ATP9B: variants seen among roughly 807,000 people sequenced by gnomAD.
The protein encoded by ATP9B is ATPase phospholipid transporting 9B, also known as probable phospholipid-transporting ATPase IIB.
Under a neutral mutation model 146.1 loss-of-function variants are expected in ATP9B, and 110 were observed. The ratio of observed to expected loss-of-function variants is 0.75; its 90% CI spans 0.65 to 0.88. The LOEUF (loss-of-function observed/expected upper bound fraction) is 0.88, where lower values mean the gene tolerates loss of function less well. Ranked by LOEUF, ATP9B falls within the 40% of genes least tolerant of loss-of-function variation. The pLI is 0.00. For synonymous variants in ATP9B, 604 were observed against 569.7 expected, an observed-to-expected ratio of 1.06 and a Z score of -0.86; for missense variants, 1,499 against 1,496.4, an observed-to-expected ratio of 1.00 and a Z score of -0.03.
intron 1 of ATP9B, among the ~76,000 whole-genome samples, chr18:79,078,962 T>C (rs1568371036): frequency 6.6e-6 from 1 of 152,348 alleles, no homozygotes; most frequent in East Asian, 1.9e-4. Context: ...GTTTCCAGCT[T>C]CGTCCATGTC....
intron 12 of ATP9B, among the ~76,000 whole-genome samples, chr18:79,256,256 G>GCCATATATATATATATATAT (rs2096076019): frequency 2.4e-5 from 1 of 41,822 alleles, no homozygotes; most frequent in African/African-American, 1.3e-4. Context: ...ATTCTAGCTA[G>GCCATATATATATATATATAT]CTATATATAT....
intron 7 of ATP9B, among the ~76,000 whole-genome samples, chr18:79,171,485 C>T (rs1038264943): frequency 6.6e-6 from 1 of 152,098 alleles, no homozygotes; most frequent in East Asian, 1.9e-4. Flanking sequence ...TTTAAAAATA[C>T]ATTTTATATT....
At chr18:79,374,872 C>T (rs1174301286) in intron 28 of ATP9B, among the ~76,000 whole-genome samples, 2 of 152,224 alleles carry the variant, frequency 1.3e-5, no homozygotes, top group Admixed American at 6.5e-5. Context: ...GACACGTGAA[C>T]ACACTCAGTG....
intron 9 of ATP9B, among the ~76,000 whole-genome samples, chr18:79,197,073 C>G (rs528509109): frequency 6.6e-6 from 1 of 152,142 alleles, no homozygotes; most frequent in African/African-American, 2.4e-5. Flanking sequence ...GTTGAACATA[C>G]ATTTGCTTGT....
intron 12 of ATP9B, among the ~76,000 whole-genome samples, chr18:79,262,856 T>A (rs1028482856): frequency 6.6e-6 from 1 of 152,218 alleles, no homozygotes; most frequent in Non-Finnish European, 1.5e-5. Context: ...AAATCTCTTA[T>A]TAGTTATAGC....
intron 15 of ATP9B, among the ~76,000 whole-genome samples, chr18:79,317,944 G>C (rs1030195613): frequency 6.6e-6 from 1 of 152,248 alleles, no homozygotes; most frequent in South Asian, 2.1e-4. Context: ...GCATGGCAGG[G>C]GATGTGTCGG....
Position 79,303,808 on chromosome 18 carries a change from G to A in ATP9B, c.1524+92G>A. ...CTCGTGTGTTCCCATCTGTAAATTA[G>A]CACGCTTCTTGGTGGTCTTAACATC... On this transcript the variant is annotated intron_variant, in intron 14 of 29. Transcript: ENST00000426216. The A allele has an allele frequency of 3.8e-6, 3 of 799,342 alleles. No homozygotes were observed. In the East Asian group the frequency reaches 7.7e-5, roughly 21 times the overall value. 49.5% of individuals were successfully genotyped at this position (799,342 alleles called of 1,614,324 possible).
chr18:79,238,608 C>T (rs1011041730), intron 11 of ATP9B, among the ~76,000 whole-genome samples: 6 of 152,230 alleles, frequency 3.9e-5, no homozygotes, highest in Non-Finnish European at 8.8e-5. Context: ...GCGCTCTCCT[C>T]AATTCGCCAT....
intron 11 of ATP9B, among the ~76,000 whole-genome samples, chr18:79,245,567 CTGACTGTGCGGAGGGCACCGCCCTAA>C (rs1420681841): frequency 3.3e-5 from 5 of 151,156 alleles, no homozygotes; most frequent in African/African-American, 7.3e-5. Flanking sequence ...CACCGCCCTA[CTGACTGTGCGGAGGGCACCGCCCTAA>C]TGACTGTGCG....
At chr18:79,135,154 G>A (rs923083168) in intron 5 of ATP9B, among the ~76,000 whole-genome samples, 2 of 152,196 alleles carry the variant, frequency 1.3e-5, no homozygotes, top group African/African-American at 4.8e-5. Flanking sequence ...TGGCTCCACT[G>A]AACCTGTGCC....
chr18:79,271,064 C>G (rs542521670), intron 12 of ATP9B, among the ~76,000 whole-genome samples: 1 of 152,246 alleles, frequency 6.6e-6, no homozygotes, highest in South Asian at 2.1e-4. Context: ...TGTCTCTGGT[C>G]TTTCTTTGAT....
At chr18:79,074,333 C>G (rs972482604) in intron 1 of ATP9B, among the ~76,000 whole-genome samples, 6 of 152,182 alleles carry the variant, frequency 3.9e-5, no homozygotes, top group Non-Finnish European at 5.9e-5. Context: ...AGTGGCTGCC[C>G]TGGTGTGTCT....
chr18:79,293,294 T>C (rs571681493), intron 13 of ATP9B, among the ~76,000 whole-genome samples: 42 of 152,240 alleles, frequency 2.8e-4, no homozygotes, highest in African/African-American at 9.6e-4. Flanking sequence ...ACAGTTTGAA[T>C]GTTTGCCCCC....
intron 25 of ATP9B, among the ~76,000 whole-genome samples, chr18:79,351,392 G>GTCACA (rs1166889292): frequency 6.6e-6 from 1 of 152,210 alleles, no homozygotes; most frequent in African/African-American, 2.4e-5. Flanking sequence ...CGTCACAAAA[G>GTCACA]AAACGTCTGT....
intron 15 of ATP9B, among the ~76,000 whole-genome samples, chr18:79,321,984 A>G (rs556605821): frequency 6.6e-6 from 1 of 152,344 alleles, no homozygotes; most frequent in African/African-American, 2.4e-5. Context: ...CTTGTGGAGA[A>G]GAAGTTTTAT....
chr18:79,314,747 G>A (rs888553428), intron 15 of ATP9B, among the ~76,000 whole-genome samples: 8 of 152,234 alleles, frequency 5.3e-5, no homozygotes, highest in African/African-American at 1.9e-4. Context: ...CTGAGCAAAC[G>A]TTAAATGCTC....
intron 26 of ATP9B, chr18:79,372,394 T>C: frequency 8.8e-6 from 3 of 341,222 alleles, no homozygotes; most frequent in Non-Finnish European, 1.7e-5. Flanking sequence ...GTGCCATCCT[T>C]ACTGAAGAAC....
chr18:79,299,075 G>T (rs1432543410), intron 13 of ATP9B, among the ~76,000 whole-genome samples: 1 of 152,154 alleles, frequency 6.6e-6, no homozygotes, highest in Non-Finnish European at 1.5e-5. Flanking sequence ...GATGCCTGCT[G>T]CCACATCATC....
intron 12 of ATP9B, among the ~76,000 whole-genome samples, chr18:79,270,048 G>T (rs1872033): frequency 0.44 from 66,853 of 152,104 alleles, 14,908 homozygotes; most frequent in Middle Eastern, 0.55. Flanking sequence ...ATCACTGCCC[G>T]CTTGGTTCTG....
Sources: allele counts gnomAD v4.1 joint callset (sites outside exome capture counted in the v4.1 genomes callset), GRCh38; gene constraint gnomAD v4.1.1; transcripts MANE v1.5; gene names NCBI Gene and HGNC (gene_info 2026-07-23, HGNC 2026-07-21).